DMD: variants seen among roughly 807,000 people sequenced by gnomAD.
DMD encodes the protein dystrophin.
A neutral mutation model predicts 330.1 loss-of-function variants in DMD; 63 were observed. The observed-to-expected ratio is 0.19, with a 90% CI of 0.16 to 0.24. DMD has a LOEUF of 0.24. Among genes scored for constraint, DMD ranks in the 10% least tolerant of loss-of-function variants. The pLI is 1.00. For synonymous variants in DMD, 1,223 were observed against 959.8 expected (o/e 1.27, Z -5.07); for missense variants, 3,344 against 2,684.1 (o/e 1.25, Z -5.43).
At chrX:32,939,353 A>G (rs1362779080) in intron 2 of DMD, among the ~76,000 whole-genome samples, 2 of 109,729 alleles carry the variant, frequency 1.8e-5, no homozygotes, top group African/African-American at 6.6e-5. Flanking sequence ...AAACCACATA[A>G]TATCTTTTCT....
intron 48 of DMD, among the ~76,000 whole-genome samples, chrX:31,858,979 T>G (rs1302084358): frequency 2.7e-5 from 3 of 111,977 alleles, no homozygotes; most frequent in African/African-American, 9.7e-5. Context: ...AAATTTAGAA[T>G]TCTAAGTGTT....
In DMD at chrX:32,475,687, T is replaced by C. The variant is rs150724533; in HGVS notation, c.2804-3378A>G. Among the ~76,000 whole-genome samples the C allele has an allele frequency of 2.0e-4, 22 of 111,283 alleles. No homozygotes were observed. In the East Asian group the frequency reaches 6.2e-3, roughly 32 times the overall value. ...AATTTGATTCTCTGCTTGGTCGTTGTTGGTATACAGAAGAGCTACTGATTT... is the reference window on the plus strand; with the variant it reads ...AATTTGATTCTCTGCTTGGTCGTTGCTGGTATACAGAAGAGCTACTGATTT... On this transcript the variant is annotated intron_variant, in intron 21 of 78. Coordinates refer to ENST00000357033, the MANE Select transcript of DMD (RefSeq NM_004006.3).
intron 2 of DMD, among the ~76,000 whole-genome samples, chrX:33,004,742 T>TA (rs2093358544): frequency 1.8e-5 from 2 of 111,066 alleles, no homozygotes; most frequent in Non-Finnish European, 3.8e-5. Flanking sequence ...TTTATAATGT[T>TA]AAGCCATGCT....
chrX:31,439,003 A>G (rs7887157), intron 60 of DMD, among the ~76,000 whole-genome samples: 4,545 of 111,262 alleles, frequency 0.041, 220 homozygotes, highest in African/African-American at 0.14. Flanking sequence ...AAATACTCCT[A>G]TTGTTTAGCT....
intron 76 of DMD, among the ~76,000 whole-genome samples, chrX:31,144,951 C>T (rs1460861030): frequency 3.6e-5 from 4 of 111,842 alleles, no homozygotes; most frequent in Non-Finnish European, 7.5e-5. Context: ...TTGTTTTGAC[C>T]TTTGATCATT....
chrX:31,996,363 A>C (rs2095586387), intron 44 of DMD, among the ~76,000 whole-genome samples: 1 of 111,673 alleles, frequency 9.0e-6, no homozygotes, highest in African/African-American at 3.3e-5. Context: ...GCACTAATTT[A>C]GTCTCCAAAC....
At chrX:31,721,161 AT>A (rs2085441365) in intron 52 of DMD, among the ~76,000 whole-genome samples, 2 of 111,711 alleles carry the variant, frequency 1.8e-5, no homozygotes, top group African/African-American at 3.3e-5. Flanking sequence ...TACTAAAAAA[AT>A]AAAAGAACCA....
chrX:32,855,621 A>G (rs1008520540), intron 2 of DMD, among the ~76,000 whole-genome samples: 1 of 112,020 alleles, frequency 8.9e-6, no homozygotes, highest in East Asian at 2.8e-4. Context: ...ATGCAAAAGA[A>G]TGAAATTAGA....
intron 30 of DMD, among the ~76,000 whole-genome samples, chrX:32,410,831 C>T (rs1432171309): frequency 8.9e-6 from 1 of 111,993 alleles, no homozygotes; most frequent in Non-Finnish European, 1.9e-5. Context: ...TTAGTTATGG[C>T]CTAAAATTTA....
At chrX:33,045,685 C>T (rs1052643328) in intron 1 of DMD, among the ~76,000 whole-genome samples, 1 of 110,990 alleles carries the variant, frequency 9.0e-6, no homozygotes, top group Admixed American at 9.6e-5. Flanking sequence ...CACACACACA[C>T]CTTTTCAAAT....
At chrX:31,838,670 A>G (rs753528827) in intron 48 of DMD, among the ~76,000 whole-genome samples, 2 of 111,959 alleles carry the variant, frequency 1.8e-5, no homozygotes, top group South Asian at 7.4e-4. Context: ...ATTATTGATG[A>G]TAGCATAGTT....
intron 47 of DMD, among the ~76,000 whole-genome samples, chrX:31,907,724 A>G (rs1482012271): frequency 8.9e-6 from 1 of 112,203 alleles, no homozygotes; most frequent in Admixed American, 9.4e-5. Flanking sequence ...AATGGGATCT[A>G]ATTAAACGAA....
At chrX:33,103,699 T>A (rs369961222) in intron 1 of DMD, among the ~76,000 whole-genome samples, 8 of 111,571 alleles carry the variant, frequency 7.2e-5, no homozygotes, top group African/African-American at 9.8e-5. Context: ...TGTTTGGTGG[T>A]CTCTTCACAC....
intron 2 of DMD, among the ~76,000 whole-genome samples, chrX:32,858,013 G>T (rs1303136990): frequency 9.0e-6 from 1 of 110,576 alleles, no homozygotes; most frequent in Non-Finnish European, 1.9e-5. Flanking sequence ...AAGCAGTGAG[G>T]TGATAGAGAA....
intron 53 of DMD, among the ~76,000 whole-genome samples, chrX:31,658,576 C>T (rs919680612): frequency 8.9e-6 from 1 of 112,175 alleles, no homozygotes; most frequent in African/African-American, 3.2e-5. Flanking sequence ...CATCTACTGG[C>T]GTTCAACTAA....
chrX:32,491,247 G>A (rs755892535), intron 20 of DMD, 30 bp downstream of exon 20: 1 of 1,207,255 alleles, frequency 8.3e-7, no homozygotes, highest in Admixed American at 2.2e-5. Flanking sequence ...TATTGATTAT[G>A]CTCCAAATGG....
At chrX:32,763,369 G>A (rs2072568569) in intron 7 of DMD, among the ~76,000 whole-genome samples, 1 of 111,950 alleles carries the variant, frequency 8.9e-6, no homozygotes, top group Non-Finnish European at 1.9e-5. Context: ...TTAGTTTAAA[G>A]CAGTGATTAA....
intron 29 of DMD, among the ~76,000 whole-genome samples, chrX:32,430,702 C>G (rs1001184826): frequency 9.0e-6 from 1 of 111,525 alleles, no homozygotes; most frequent in African/African-American, 3.3e-5. Flanking sequence ...TTACAAATAT[C>G]TCTCCATTTT....
intron 52 of DMD, among the ~76,000 whole-genome samples, chrX:31,691,466 T>C (rs1019655298): frequency 1.1e-4 from 12 of 111,013 alleles, no homozygotes; most frequent in African/African-American, 3.9e-4. Context: ...GATTAAACTC[T>C]CCAATCAAAA....
Sources: allele counts gnomAD v4.1 joint callset (sites outside exome capture counted in the v4.1 genomes callset), GRCh38; gene constraint gnomAD v4.1.1; transcripts MANE v1.5; gene names NCBI Gene and HGNC (gene_info 2026-07-23, HGNC 2026-07-21).